Variants in SYNJ2 observed in about 807,000 individuals in gnomAD.
The protein encoded by SYNJ2 is synaptojanin 2.
Under a neutral mutation model 141.3 loss-of-function variants are expected in SYNJ2, and 116 were observed. The observed-to-expected ratio is 0.82, with a 90% CI of 0.71 to 0.96. SYNJ2 has a LOEUF of 0.96. Among genes scored for constraint, SYNJ2 ranks in the 40% least tolerant of loss-of-function variants. SYNJ2 has a pLI of 0.00. For synonymous variants in SYNJ2, 745 were observed against 777.7 expected (o/e 0.96, Z 0.70); for missense variants, 1,873 against 1,934.8 (o/e 0.97, Z 0.60).
chr6:157,994,602 C>A (rs1377484411), intron 1 of SYNJ2, among the ~76,000 whole-genome samples: 1 of 152,176 alleles, frequency 6.6e-6, no homozygotes, highest in Non-Finnish European at 1.5e-5. Flanking sequence ...ATGGGAGGGC[C>A]AGCAGCGAGC....
chr6:158,065,907 T>C (rs545336804), intron 11 of SYNJ2, among the ~76,000 whole-genome samples: 9 of 152,360 alleles, frequency 5.9e-5, no homozygotes, highest in African/African-American at 2.2e-4. Flanking sequence ...AGGATGGAGA[T>C]GGTTCTGTGT....
intron 8 of SYNJ2, among the ~76,000 whole-genome samples, chr6:158,063,488 G>A (rs955241867): frequency 8.6e-5 from 13 of 152,038 alleles, no homozygotes; most frequent in East Asian, 5.8e-4. Context: ...GTGAAACACC[G>A]TCTGTACTAA....
At chr6:158,000,073 T>A (rs1243374772) in intron 1 of SYNJ2, among the ~76,000 whole-genome samples, 22 of 45,144 alleles carry the variant, frequency 4.9e-4, no homozygotes, top group Non-Finnish European at 8.1e-5. Flanking sequence ...GCTTTTTTTT[T>A]TTTTTTTTTT....
Position 158,096,285 on chromosome 6 carries a change from C to G in SYNJ2, c.4412C>G (p.Thr1471Ser), listed in dbSNP as rs545821738. 3 of 1,614,162 alleles carry G rather than the reference C, an allele frequency of 1.9e-6. No homozygotes were observed. The South Asian group carries it at 3.3e-5, about 18-fold the overall frequency. The change falls in exon 27 of 27, where the codon ACC becomes AGC. Residue 1471 changes from threonine to serine, a missense_variant. By Grantham distance (58) the Thr-to-Ser change is moderately conservative. Coordinates refer to ENST00000355585, the MANE Select transcript of SYNJ2 (RefSeq NM_003898.4). ...CTGCCACCAGATCATGAACACAAAA[C>G]CTTAGGTCACTGGGTGACAATCAGT... ...AELPPDHEHK[T>S]LGHWVTISDQ...
chr6:158,044,348 C>T (rs1268571528), intron 5 of SYNJ2, among the ~76,000 whole-genome samples: 1 of 152,196 alleles, frequency 6.6e-6, no homozygotes, highest in Non-Finnish European at 1.5e-5. Context: ...CACTTGTCCC[C>T]ATGGCTGTCA....
intron 20 of SYNJ2, among the ~76,000 whole-genome samples, chr6:158,083,188 C>A (rs1219897952): frequency 6.6e-6 from 1 of 152,154 alleles, no homozygotes. Flanking sequence ...CTGCTTCGGC[C>A]TCTCAGAGTG....
At chr6:158,047,774 CAAAAAAAAAAAAAAAAAA>C (rs58147972) in intron 5 of SYNJ2, among the ~76,000 whole-genome samples, 1 of 32,376 alleles carries the variant, frequency 3.1e-5, no homozygotes, top group Non-Finnish European at 5.1e-5. Flanking sequence ...GCGACTCTGT[CAAAAAAAAAAAAAAAAAA>C]AAAAAAAAAA....
chr6:158,081,183 T>A lies in SYNJ2; in HGVS notation c.2642T>A (p.Val881Glu), dbSNP rs184254046. The A allele has an allele frequency of 6.2e-7, 1 of 1,614,084 alleles. No homozygotes were observed. Among genetic ancestry groups the A allele is most frequent in the African/African-American group, 1.3e-5 (1 of 75,018 alleles). The change falls in exon 19 of 27, where the codon GTG becomes GAG. Residue 881 changes from valine to glutamate, a missense_variant. By Grantham distance (121) the Val-to-Glu change is moderately radical. Transcript: ENST00000355585. Reference protein sequence around the residue: ...VGARERVFQEVSSFQGPLDAT... With the variant: ...VGARERVFQEESSFQGPLDAT... ...GCTCGGGAGAGGGTTTTCCAGGAAG[T>A]GTCCTCCTTCCAGGGCCCCCTGGAT... is the stretch of plus-strand genomic sequence containing the variant.
At chr6:158,024,635 G>A (rs1027731890) in intron 2 of SYNJ2, among the ~76,000 whole-genome samples, 1 of 152,186 alleles carries the variant, frequency 6.6e-6, no homozygotes, top group Non-Finnish European at 1.5e-5. Flanking sequence ...TCACTGGAAC[G>A]ATAAACCAGA....
rs889038060 is a variant in SYNJ2, at chr6:158,040,666, A to T, written c.712-2650A>T. Among the ~76,000 whole-genome samples, 7 of 152,194 alleles carry T rather than the reference A, an allele frequency of 4.6e-5. No homozygotes were observed. The highest frequency in any genetic ancestry group is 8.8e-5 in the Non-Finnish European group (6 of 68,026). ...GAGATAATTGGTTTGCAGACACTGT[A>T]TCTGGAAGCAGAAGGTCAGCAGAAA... On this transcript the variant is annotated intron_variant, in intron 4 of 26. Transcript: ENST00000355585. The surrounding 1 kb of genome is among the most constrained non-coding windows in gnomAD (Gnocchi z 4.2).
intron 2 of SYNJ2, 117 bp downstream of exon 2, chr6:158,017,407 T>A (rs1350198004): frequency 3.8e-4 from 71 of 188,174 alleles, no homozygotes; most frequent in Non-Finnish European, 4.5e-4. Context: ...TCTCTCTTCT[T>A]TTTTTTTTTT....
At chr6:157,992,394 C>G (rs9456946) in intron 1 of SYNJ2, among the ~76,000 whole-genome samples, 51,707 of 134,554 alleles carry the variant, frequency 0.38, 11,349 homozygotes, top group African/African-American at 0.65. Flanking sequence ...CTGTGCCTGG[C>G]TTGTTTCTTT....
At chr6:158,046,908 G>T (rs1307037376) in intron 5 of SYNJ2, among the ~76,000 whole-genome samples, 2 of 151,536 alleles carry the variant, frequency 1.3e-5, no homozygotes, top group East Asian at 3.9e-4. Flanking sequence ...ACCATATGCT[G>T]TATAGACACG....
At chr6:158,060,075 A>G (rs373252720) in intron 7 of SYNJ2, among the ~76,000 whole-genome samples, 9 of 152,182 alleles carry the variant, frequency 5.9e-5, no homozygotes, top group African/African-American at 2.2e-4. Context: ...CCCACAGGGC[A>G]CCCGGCCTCA....
At chr6:158,059,839 G>A (rs1371609404) in intron 7 of SYNJ2, among the ~76,000 whole-genome samples, 1 of 152,244 alleles carries the variant, frequency 6.6e-6, no homozygotes, top group African/African-American at 2.4e-5. Context: ...GCAGGCGTGA[G>A]CCACCGCGCC....
chr6:158,029,042 C>G lies in SYNJ2; in HGVS notation c.485+16C>G, dbSNP rs9459173. On this transcript the variant is annotated intron_variant, in intron 3 of 26. Coordinates refer to ENST00000355585, the MANE Select transcript of SYNJ2 (RefSeq NM_003898.4). The stretch of plus-strand genomic sequence containing the variant: ...CCTTCTTCTGGTGAGGCCCTGGGTC[C>G]CCTGCAGAGGGTGGGCCCTGGGTCT... 2 of 1,559,104 alleles carry G rather than the reference C, an allele frequency of 1.3e-6. No homozygotes were observed. The highest frequency in any genetic ancestry group is 2.8e-5 in the African/African-American group (2 of 70,340).
At chr6:157,999,985 G>A (rs1023096497) in intron 1 of SYNJ2, among the ~76,000 whole-genome samples, 4 of 149,636 alleles carry the variant, frequency 2.7e-5, no homozygotes, top group African/African-American at 9.8e-5. Flanking sequence ...GTCCAGGAGT[G>A]CACCTCGGCA....
chr6:158,027,358 C>A lies in SYNJ2; in HGVS notation c.215-1398C>A. 1 of 342,478 alleles carries A rather than the reference C, an allele frequency of 2.9e-6. No homozygotes were observed. Among genetic ancestry groups the A allele is most frequent in the Non-Finnish European group, 4.1e-6 (1 of 242,010 alleles). The allele number at this position is 342,478 out of a possible 1,614,324, so 21.2% of individuals were successfully genotyped here. On this transcript the variant is annotated intron_variant, in intron 2 of 26. Transcript: ENST00000355585. This position sits in a 1 kb window ranked among gnomAD's most constrained non-coding sequence, Gnocchi z 4.6. Reference sequence around the variant, plus strand: ...GAGTGTCCTTGGGACTAGAGCCCTGCCAGACCCCAAAGGCCGGTTTCTACC... The same window carrying A: ...GAGTGTCCTTGGGACTAGAGCCCTGACAGACCCCAAAGGCCGGTTTCTACC...
intron 18 of SYNJ2, chr6:158,078,821 T>C (rs1303474260): frequency 6.6e-6 from 1 of 150,426 alleles, no homozygotes; most frequent in Non-Finnish European, 1.5e-5. Flanking sequence ...GAGAGAGTCT[T>C]GCTCTATTGC....
Sources: allele counts gnomAD v4.1 joint callset (sites outside exome capture counted in the v4.1 genomes callset), GRCh38; gene constraint gnomAD v4.1.1; non-coding constraint Gnocchi (gnomAD v3.1); transcripts MANE v1.5; gene names NCBI Gene and HGNC (gene_info 2026-07-23, HGNC 2026-07-21).